HECW1: variants seen among roughly 807,000 people sequenced by gnomAD.
HECW1 encodes the protein E3 ubiquitin-protein ligase HECW1.
In HECW1, 61 loss-of-function variants were observed where a neutral mutation model predicts 182.3. The ratio of observed to expected loss-of-function variants is 0.33; its 90% CI spans 0.27 to 0.41. The LOEUF is 0.41. HECW1 is among the 10% of genes least tolerant of loss of function. The pLI is 1.00. For missense variants in HECW1, 1,739 were observed against 2,108.9 expected, an observed-to-expected ratio of 0.82 and a Z score of 3.44; for synonymous variants, 859 against 832.6, an observed-to-expected ratio of 1.03 and a Z score of -0.55.
At chr7:43,288,158 T>G (rs10276639) in intron 3 of HECW1, among the ~76,000 whole-genome samples, 57,470 of 152,028 alleles carry the variant, frequency 0.38, 15,153 homozygotes, top group African/African-American at 0.75. Context: ...TAGGGCTTTT[T>G]CAATTAAACA....
In HECW1 at chr7:43,463,701, A is replaced by G. The variant is rs2077663376; in HGVS notation, c.2693A>G (p.Glu898Gly). Residue 898 changes from glutamate to glycine, a missense_variant, in exon 14 of 30, where the codon GAA becomes GGA. Coordinates refer to ENST00000395891, the MANE Select transcript of HECW1 (RefSeq NM_015052.5). The part of the protein sequence containing the change: ...IQRTIATERS[E>G]EDSGSQSCEQ... ...CGAACCATTGCAACAGAGAGGTCCG[A>G]AGAAGATTCTGGCAGCCAAAGCTGC... The G allele has an allele frequency of 6.2e-7, 1 of 1,614,068 alleles. No individual in the cohort carries two copies. Among genetic ancestry groups the G allele is most frequent in the Non-Finnish European group, 8.5e-7 (1 of 1,180,010 alleles).
chr7:43,407,818 G>GAGGGA, intron 8 of HECW1, 87 bp downstream of exon 8: 10 of 1,231,790 alleles, frequency 8.1e-6, no homozygotes, highest in Non-Finnish European at 1.1e-5. Context: ...TCCATTCATG[G>GAGGGA]AGCCCTGGAC....
intron 5 of HECW1, among the ~76,000 whole-genome samples, chr7:43,340,259 C>T (rs1379212066): frequency 4.1e-5 from 5 of 121,946 alleles, no homozygotes; most frequent in Admixed American, 1.1e-4. Flanking sequence ...ATCGCTCTGT[C>T]GCCCAGGCTA....
intron 3 of HECW1, among the ~76,000 whole-genome samples, chr7:43,286,404 G>A (rs1454993455): frequency 6.6e-6 from 1 of 152,190 alleles, no homozygotes; most frequent in Non-Finnish European, 1.5e-5. Flanking sequence ...CTTCAGAGAT[G>A]TAGTGCAACC....
intron 2 of HECW1, among the ~76,000 whole-genome samples, chr7:43,232,304 A>G (rs906885234): frequency 6.6e-6 from 1 of 152,222 alleles, no homozygotes; most frequent in African/African-American, 2.4e-5. Flanking sequence ...AAGTAGGTCA[A>G]TTTAGGGAAA....
rs149472648 is a variant in HECW1, at chr7:43,174,407, A to G, written c.-32+60016A>G. ...TGTTTCTTTCTTAGTTTCTGCAGCT[A>G]TTCTACTCCTTGATCCAAAGGTGTG... is the stretch of plus-strand genomic sequence containing the variant. On this transcript the variant is annotated intron_variant, in intron 2 of 29. Coordinates refer to ENST00000395891, the MANE Select transcript of HECW1 (RefSeq NM_015052.5). Among the ~76,000 whole-genome samples the G allele has an allele frequency of 8.5e-5, 13 of 152,316 alleles. No homozygotes were observed. The East Asian group carries it at 2.1e-3, about 25-fold the overall frequency.
chr7:43,190,262 T>C (rs955896251), intron 2 of HECW1, among the ~76,000 whole-genome samples: 2 of 152,156 alleles, frequency 1.3e-5, no homozygotes, highest in East Asian at 1.9e-4. Flanking sequence ...TACAGGCGTG[T>C]ACCACCACGC....
intron 19 of HECW1, among the ~76,000 whole-genome samples, chr7:43,495,210 C>T (rs2079071441): frequency 6.6e-6 from 1 of 152,054 alleles, no homozygotes; most frequent in Non-Finnish European, 1.5e-5. Flanking sequence ...GTTTGCTGCA[C>T]CCATCAACCC....
intron 5 of HECW1, among the ~76,000 whole-genome samples, chr7:43,327,963 A>T (rs1184205306): frequency 4.9e-5 from 5 of 102,246 alleles, no homozygotes; most frequent in Admixed American, 2.0e-4. Flanking sequence ...AACCATTTAT[A>T]TTATTATTAT....
rs770034480 is a variant in HECW1 at position 43,456,336 on chromosome 7, A to T, written c.2540A>T (p.Tyr847Phe). ...ATTGACAGCCACGGGCGGGTCTTTT[A>T]TGTGGACCACGTGAACCGCACAACC... ...ARIDSHGRVF[Y>F]VDHVNRTTTW... is the part of the protein sequence containing the mutation. Residue 847 changes from tyrosine to phenylalanine, a missense_variant, in exon 13 of 30, where the codon TAT (tyrosine) becomes TTT (phenylalanine). Physicochemically the swap from Tyr to Phe is conservative, Grantham distance 22 (BLOSUM62 3). Coordinates refer to ENST00000395891, the MANE Select transcript of HECW1 (RefSeq NM_015052.5). 1 of 1,613,934 alleles carries T rather than the reference A, an allele frequency of 6.2e-7. No homozygotes were observed. Among genetic ancestry groups the T allele is most frequent in the African/African-American group, 1.3e-5 (1 of 75,050 alleles).
chr7:43,164,473 C>T (rs981667937), intron 2 of HECW1, among the ~76,000 whole-genome samples: 1 of 152,180 alleles, frequency 6.6e-6, no homozygotes, highest in Non-Finnish European at 1.5e-5. Flanking sequence ...TCCTCTGGAT[C>T]GAGCCTTGAG....
intron 3 of HECW1, among the ~76,000 whole-genome samples, chr7:43,301,104 C>T (rs1358174421): frequency 6.6e-6 from 1 of 152,154 alleles, no homozygotes; most frequent in Non-Finnish European, 1.5e-5. Context: ...ACAAAACCTC[C>T]GTGGCCCCCC....
intron 24 of HECW1, among the ~76,000 whole-genome samples, chr7:43,519,369 C>A (rs1021795067): frequency 6.6e-6 from 1 of 152,106 alleles, no homozygotes; most frequent in Non-Finnish European, 1.5e-5. Context: ...CCTCAGCCTC[C>A]TGAGTAGCTG....
chr7:43,476,405 A>G (rs1469672638), intron 16 of HECW1, among the ~76,000 whole-genome samples: 5 of 152,224 alleles, frequency 3.3e-5, no homozygotes, highest in Non-Finnish European at 2.9e-5. Flanking sequence ...AAATGGTTAC[A>G]CCAACTATCA....
At chr7:43,176,159 A>G (rs1792223810) in intron 2 of HECW1, among the ~76,000 whole-genome samples, 2 of 152,206 alleles carry the variant, frequency 1.3e-5, no homozygotes, top group Non-Finnish European at 2.9e-5. Context: ...AATGGCAAAC[A>G]TTTGTACCCC....
chr7:43,326,699 G>C (rs139762790), intron 5 of HECW1, among the ~76,000 whole-genome samples: 187 of 152,332 alleles, frequency 1.2e-3, no homozygotes, highest in Middle Eastern at 3.4e-3. Flanking sequence ...GAACATATTG[G>C]TGTCTTGGTG....
intron 8 of HECW1, among the ~76,000 whole-genome samples, chr7:43,412,000 G>A (rs1039948517): frequency 6.6e-6 from 1 of 152,032 alleles, no homozygotes; most frequent in Non-Finnish European, 1.5e-5. Context: ...TTTTCTGTTT[G>A]TCCTCTGGAT....
At chr7:43,324,825 C>A (rs1810574047) in intron 5 of HECW1, among the ~76,000 whole-genome samples, 1 of 151,890 alleles carries the variant, frequency 6.6e-6, no homozygotes, top group Non-Finnish European at 1.5e-5. Context: ...ATGAGGTGTA[C>A]CTTTTATTTT....
At chr7:43,390,897 A>C (rs927808338) in intron 6 of HECW1, among the ~76,000 whole-genome samples, 4 of 152,130 alleles carry the variant, frequency 2.6e-5, no homozygotes. Flanking sequence ...AGTTTTGCCT[A>C]GGCTTTTCCT....
Sources: gnomAD v4.1 joint callset for allele counts (sites outside exome capture counted in the v4.1 genomes callset) on GRCh38, gnomAD v4.1.1 for gene constraint, MANE v1.5 for transcripts, NCBI Gene and HGNC (gene_info 2026-07-23, HGNC 2026-07-21) for gene names.